Variants in PCDHA12 observed in about 807,000 individuals in gnomAD.
PCDHA12 encodes the protein protocadherin alpha 12.
Under a neutral mutation model 60.0 loss-of-function variants are expected in PCDHA12, and 44 were observed. The ratio of observed to expected loss-of-function variants is 0.73; its 90% CI spans 0.58 to 0.94. The LOEUF (loss-of-function observed/expected upper bound fraction) is 0.94. Ranked by LOEUF, PCDHA12 falls within the 40% of genes least tolerant of loss-of-function variation. The probability of loss-of-function intolerance (pLI) is 0.00; values close to 1 mark genes in which losing one functional copy is unlikely to be tolerated. For missense variants in PCDHA12, 1,276 were observed against 1,239.7 expected (o/e 1.03, Z -0.44); for synonymous variants, 569 against 553.0 (o/e 1.03, Z -0.40).
chr5:140,929,324 T>A (rs781810168), intron 1 of PCDHA12: 1 of 1,540,130 alleles, frequency 6.5e-7, no homozygotes, highest in African/African-American at 1.4e-5. Flanking sequence ...GTCAATGCCA[T>A]GGTAAGCAAA....
chr5:140,946,763 C>T (rs1453017337), intron 1 of PCDHA12, among the ~76,000 whole-genome samples: 1 of 151,160 alleles, frequency 6.6e-6, no homozygotes, highest in Non-Finnish European at 1.5e-5. Context: ...TGATCTCATT[C>T]ATGTGGAATG....
chr5:140,882,562 G>A, intron 1 of PCDHA12: 1 of 1,614,252 alleles, frequency 6.2e-7, no homozygotes, highest in Non-Finnish European at 8.5e-7. Flanking sequence ...TGTGTGGGCG[G>A]AGCGCGGAGT....
At chr5:140,926,340 C>G (rs2083154977) in intron 1 of PCDHA12, 1 of 152,400 alleles carries the variant, frequency 6.6e-6, no homozygotes, top group Non-Finnish European at 1.5e-5. Flanking sequence ...GCGCCGGGAC[C>G]CGACGCGCGG....
chr5:140,938,928 T>G (rs1220764640), intron 1 of PCDHA12, among the ~76,000 whole-genome samples: 2 of 152,104 alleles, frequency 1.3e-5, no homozygotes, highest in African/African-American at 4.8e-5. Flanking sequence ...AAATTGGCTT[T>G]TAACTTTCCA....
At chr5:140,927,167 C>G in intron 1 of PCDHA12, 3 of 1,614,164 alleles carry the variant, frequency 1.9e-6, no homozygotes, top group Non-Finnish European at 2.5e-6. Flanking sequence ...GCCAAAGCTG[C>G]CTGCGTCTTG....
At chr5:140,966,447 C>G (rs373859357) in intron 1 of PCDHA12, 3 of 425,206 alleles carry the variant, frequency 7.1e-6, no homozygotes, top group Non-Finnish European at 8.2e-6. Flanking sequence ...CTCCCTTTCC[C>G]CCTCCCCCTC....
intron 1 of PCDHA12, chr5:140,967,384 G>A (rs1422023127): frequency 2.5e-6 from 4 of 1,609,080 alleles, no homozygotes; most frequent in Non-Finnish European, 3.4e-6. Flanking sequence ...ACAGTAAAGT[G>A]CTTGAGCTGG....
chr5:140,980,522 A>G (rs1341350940), intron 2 of PCDHA12, among the ~76,000 whole-genome samples: 2 of 152,074 alleles, frequency 1.3e-5, no homozygotes, highest in Non-Finnish European at 2.9e-5. Flanking sequence ...TCCAGCTACT[A>G]GGGAGGCTGA....
At chr5:140,964,383 G>A (rs543441248) in intron 1 of PCDHA12, among the ~76,000 whole-genome samples, 1 of 152,142 alleles carries the variant, frequency 6.6e-6, no homozygotes, top group Non-Finnish European at 1.5e-5. Context: ...GAGAGTCCTG[G>A]TTTTTCTCCC....
chr5:140,905,918 T>G (rs536445399), intron 1 of PCDHA12, among the ~76,000 whole-genome samples: 1 of 152,280 alleles, frequency 6.6e-6, no homozygotes, highest in Non-Finnish European at 1.5e-5. Context: ...GAATCCAATC[T>G]GAGTCCCAAA....
At chr5:140,916,776 C>A (rs2153540006) in intron 1 of PCDHA12, among the ~76,000 whole-genome samples, 1 of 152,308 alleles carries the variant, frequency 6.6e-6, no homozygotes. Context: ...CACAAGCACT[C>A]CCTTAGCTGC....
chr5:140,960,111 A>G (rs1554224465), intron 1 of PCDHA12, among the ~76,000 whole-genome samples: 1 of 152,256 alleles, frequency 6.6e-6, no homozygotes, highest in African/African-American at 2.4e-5. Flanking sequence ...TGTGGGAACA[A>G]TAGTATTCCT....
intron 1 of PCDHA12, among the ~76,000 whole-genome samples, chr5:140,955,950 C>G (rs2095241045): frequency 6.6e-6 from 1 of 151,920 alleles, no homozygotes; most frequent in African/African-American, 2.4e-5. Flanking sequence ...TGTCTACTTG[C>G]TTGTTGTTTG....
At chr5:140,887,776 G>T (rs2061574225) in intron 1 of PCDHA12, among the ~76,000 whole-genome samples, 1 of 152,036 alleles carries the variant, frequency 6.6e-6, no homozygotes, top group Non-Finnish European at 1.5e-5. Context: ...CAATGACACA[G>T]GTCATTGAAG....
chr5:140,879,943 G>C (rs1554171086), intron 1 of PCDHA12, among the ~76,000 whole-genome samples: 1 of 152,078 alleles, frequency 6.6e-6, no homozygotes, highest in Non-Finnish European at 1.5e-5. Flanking sequence ...ATTGTATTTA[G>C]GGCCCATCTG....
At chr5:140,988,169 A>G (rs1384072642) in intron 3 of PCDHA12, among the ~76,000 whole-genome samples, 3 of 152,128 alleles carry the variant, frequency 2.0e-5, no homozygotes. Flanking sequence ...TGTCATAGCA[A>G]TGACAGTCCT....
intron 1 of PCDHA12, chr5:140,967,972 G>C: frequency 1.2e-6 from 2 of 1,614,190 alleles, no homozygotes; most frequent in Non-Finnish European, 1.7e-6. Flanking sequence ...AAGTGAGCCT[G>C]GGTCTGGAGG....
chr5:141,010,368 C>T lies in PCDHA12; in HGVS notation c.*431C>T, dbSNP rs368481822. ...GGTATGTGTGGCTACCGCGGGTATG[C>T]GAGTGCCAGATATTGGCTGAGACGA... On this transcript the variant is annotated 3_prime_UTR_variant, in exon 4 of 4. Coordinates refer to ENST00000398631, the MANE Select transcript of PCDHA12 (RefSeq NM_018903.4). The T allele has an allele frequency of 8.2e-6, 12 of 1,470,936 alleles. No homozygotes were observed. The East Asian group carries it at 1.7e-4, about 21-fold the overall frequency. 91.1% of individuals were successfully genotyped at this position (1,470,936 alleles called of 1,614,324 possible). A position where few individuals can be genotyped will look rare whatever the true frequency, so the allele number is the denominator to read the frequency against.
intron 1 of PCDHA12, among the ~76,000 whole-genome samples, chr5:140,922,046 A>C (rs1388720677): frequency 6.6e-6 from 1 of 152,150 alleles, no homozygotes; most frequent in Non-Finnish European, 1.5e-5. Flanking sequence ...TTTCCCACAT[A>C]CCTTCAAAAT....
Sources: gnomAD v4.1 joint callset for allele counts (sites outside exome capture counted in the v4.1 genomes callset) on GRCh38, gnomAD v4.1.1 for gene constraint, MANE v1.5 for transcripts, NCBI Gene and HGNC (gene_info 2026-07-23, HGNC 2026-07-21) for gene names.